The following RYR3 variants were observed in gnomAD, a reference collection of about 807,000 sequenced individuals.
RYR3 encodes the protein ryanodine receptor 3, also known as brain ryanodine receptor-calcium release channel.
RYR3 carries 207 observed loss-of-function variants against 584.3 expected under a neutral mutation model. The ratio of observed to expected loss-of-function variants is 0.35; its 90% CI spans 0.32 to 0.40. The LOEUF is 0.40. Ranked by LOEUF, RYR3 falls within the 10% of genes least tolerant of loss-of-function variation. The pLI is 1.00. For synonymous variants in RYR3, 2,416 were observed against 2,248.5 expected (o/e 1.07, Z -2.11); for missense variants, 5,616 against 6,089.2 (o/e 0.92, Z 2.59).
intron 15 of RYR3, 124 bp from the exon 16 acceptor site, chr15:33,585,873 TA>T: frequency 1.6e-6 from 1 of 615,596 alleles, no homozygotes; most frequent in Non-Finnish European, 2.9e-6. Context: ...AAAGATTTGA[TA>T]GATTCAAAGA....
intron 68 of RYR3, among the ~76,000 whole-genome samples, chr15:33,801,282 G>T (rs1337404623): frequency 6.6e-6 from 1 of 152,182 alleles, no homozygotes; most frequent in Non-Finnish European, 1.5e-5. Flanking sequence ...ACAAAGGATT[G>T]TCAGACCAAC....
intron 1 of RYR3, among the ~76,000 whole-genome samples, chr15:33,325,221 T>C (rs2048661): frequency 0.44 from 67,627 of 151,998 alleles, 16,856 homozygotes; most frequent in African/African-American, 0.68. Context: ...TCCTATAGTC[T>C]GTACCAGATA....
intron 44 of RYR3, 64 bp from the exon 45 acceptor site, chr15:33,724,001 A>G: frequency 1.2e-6 from 1 of 832,310 alleles, no homozygotes; most frequent in Non-Finnish European, 2.0e-6. Context: ...CAAGCAGCTT[A>G]TGTCTCGCAG....
chr15:33,663,061 GTGAC>G (rs66533161), intron 35 of RYR3, 113 bp downstream of exon 35: 325,731 of 852,864 alleles, frequency 0.38, 67,751 homozygotes, highest in Non-Finnish European at 0.43. Context: ...GCTTGGCATA[GTGAC>G]TGACCAAGAG....
intron 12 of RYR3, 47 bp downstream of exon 12, chr15:33,566,846 G>A (rs1001043318): frequency 1.2e-6 from 2 of 1,607,528 alleles, no homozygotes; most frequent in African/African-American, 2.7e-5. Context: ...TGACTCTGTG[G>A]CCTGCCAACA....
chr15:33,398,310 T>C (rs1016326326), intron 1 of RYR3, among the ~76,000 whole-genome samples: 6 of 152,196 alleles, frequency 3.9e-5, no homozygotes. Context: ...ATGCTGTGGG[T>C]ATCAGGCGCA....
At chr15:33,318,260 G>A (rs1968473068) in intron 1 of RYR3, among the ~76,000 whole-genome samples, 1 of 152,222 alleles carries the variant, frequency 6.6e-6, no homozygotes. Context: ...TATGAGCAAG[G>A]CAGCACACCT....
intron 16 of RYR3, among the ~76,000 whole-genome samples, chr15:33,600,184 G>T (rs773204378): frequency 6.6e-6 from 1 of 152,108 alleles, no homozygotes; most frequent in Non-Finnish European, 1.5e-5. Flanking sequence ...AATGTGCTTT[G>T]TATTTATCTG....
chr15:33,568,772 A>G (rs1029016492), intron 12 of RYR3, among the ~76,000 whole-genome samples: 2 of 152,206 alleles, frequency 1.3e-5, no homozygotes, highest in Non-Finnish European at 2.9e-5. Context: ...GAGCCTTACA[A>G]CCATCACTGC....
chr15:33,645,372 T>C (rs557474955), intron 28 of RYR3, among the ~76,000 whole-genome samples: 1 of 152,340 alleles, frequency 6.6e-6, no homozygotes, highest in Non-Finnish European at 1.5e-5. Flanking sequence ...ATTGCAGCTT[T>C]AGTCAAGTTA....
In RYR3 at chr15:33,453,009, A is replaced by G. The variant is rs114158806; in HGVS notation, c.52-20410A>G. ...ATTTGCCAGAAGCCTCCTGGCTCCA[A>G]CCTTTCTCCTTCCTTTGAAGACTCC... is the stretch of plus-strand genomic sequence containing the variant. On this transcript the variant is annotated intron_variant, in intron 1 of 103. Transcript: ENST00000634891. Among the ~76,000 whole-genome samples the G allele has an allele frequency of 7.2e-3, 1,098 of 152,208 alleles. 18 individuals carry two copies. Among genetic ancestry groups the G allele is most frequent in the African/African-American group, 0.023 (939 of 41,526 alleles).
intron 43 of RYR3, among the ~76,000 whole-genome samples, chr15:33,712,428 GAAAT>G (rs1195277417): frequency 6.6e-6 from 1 of 152,188 alleles, no homozygotes; most frequent in Non-Finnish European, 1.5e-5. Flanking sequence ...TAGAGAGAAA[GAAAT>G]AAGGATGTCA....
At chr15:33,776,982 G>A (rs891399180) in intron 64 of RYR3, among the ~76,000 whole-genome samples, 4 of 152,174 alleles carry the variant, frequency 2.6e-5, no homozygotes, top group African/African-American at 4.8e-5. Flanking sequence ...AGTGAGAACC[G>A]AGACCAGACG....
At chr15:33,832,725 G>C (rs961052645) in intron 86 of RYR3, among the ~76,000 whole-genome samples, 1 of 151,604 alleles carries the variant, frequency 6.6e-6, no homozygotes, top group African/African-American at 2.4e-5. Flanking sequence ...AGCCAAAGGG[G>C]CCAGGTGCAG....
intron 1 of RYR3, among the ~76,000 whole-genome samples, chr15:33,440,706 C>T (rs2046147730): frequency 6.6e-6 from 1 of 152,172 alleles, no homozygotes; most frequent in Non-Finnish European, 1.5e-5. Flanking sequence ...TTCCACAATT[C>T]CAGGCTCTAT....
chr15:33,520,868 T>A (rs1054824776), intron 3 of RYR3, among the ~76,000 whole-genome samples: 1 of 152,196 alleles, frequency 6.6e-6, no homozygotes, highest in African/African-American at 2.4e-5. Context: ...CTCATCTGTC[T>A]GTTTGAGAAG....
intron 2 of RYR3, among the ~76,000 whole-genome samples, chr15:33,500,754 TACAA>T (rs1440376755): frequency 6.6e-6 from 1 of 152,178 alleles, no homozygotes; most frequent in Admixed American, 6.5e-5. Context: ...CTCTCATGGC[TACAA>T]ACAAATTAGC....
chr15:33,800,929 A>C, intron 68 of RYR3, 72 bp downstream of exon 68: 1 of 1,107,762 alleles, frequency 9.0e-7, no homozygotes, highest in Non-Finnish European at 1.4e-6. Context: ...TGTTGATGAA[A>C]AAAAGCCAAC....
intron 1 of RYR3, among the ~76,000 whole-genome samples, chr15:33,439,515 A>G (rs1173220591): frequency 6.6e-6 from 1 of 152,198 alleles, no homozygotes; most frequent in Non-Finnish European, 1.5e-5. Flanking sequence ...TGATGCTCAT[A>G]AATGAGAACA....
Sources: allele counts gnomAD v4.1 joint callset (sites outside exome capture counted in the v4.1 genomes callset), GRCh38; gene constraint gnomAD v4.1.1; transcripts MANE v1.5; gene names NCBI Gene and HGNC (gene_info 2026-07-23, HGNC 2026-07-21).